KIF25: variants seen among roughly 807,000 people sequenced by gnomAD.
The protein encoded by KIF25 is kinesin-like protein KIF25.
KIF25 carries 19 observed loss-of-function variants against 32.9 expected under a neutral mutation model. That is an observed-to-expected ratio of 0.58 (90% CI 0.40 to 0.85). KIF25 has a LOEUF of 0.85. KIF25 is among the 40% of genes least tolerant of loss of function. KIF25 has a pLI of 0.00. For missense variants in KIF25, 485 were observed against 507.0 expected (o/e 0.96, Z 0.42); for synonymous variants, 225 against 213.7 (o/e 1.05, Z -0.46).
intron 4 of KIF25, among the ~76,000 whole-genome samples, chr6:168,004,330 T>C (rs776316828): frequency 1.1e-4 from 17 of 152,332 alleles, no homozygotes; most frequent in Admixed American, 8.5e-4. Context: ...CAACGCGGGA[T>C]AGAAGCCTGG....
At chr6:168,036,799 C>T (rs1013521859) in intron 8 of KIF25, among the ~76,000 whole-genome samples, 2 of 152,208 alleles carry the variant, frequency 1.3e-5, no homozygotes, top group Non-Finnish European at 2.9e-5. Context: ...TGGTGGCTCA[C>T]ACCTATAATC....
At chr6:168,039,936 C>A in intron 9 of KIF25, 129 bp from the exon 10 acceptor site, 2 of 1,157,112 alleles carry the variant, frequency 1.7e-6, no homozygotes, top group Non-Finnish European at 2.4e-6. Context: ...GTGCCTGAGA[C>A]TGGCTTCAGT....
intron 2 of KIF25, among the ~76,000 whole-genome samples, chr6:168,000,020 C>T (rs1369317566): frequency 9.4e-6 from 1 of 105,944 alleles, no homozygotes; most frequent in African/African-American, 4.1e-5. Flanking sequence ...ACCCTCCCCA[C>T]TTCCATCCTG....
intron 7 of KIF25, among the ~76,000 whole-genome samples, chr6:168,031,927 G>A (rs1303229031): frequency 6.6e-6 from 1 of 152,198 alleles, no homozygotes; most frequent in Non-Finnish European, 1.5e-5. Context: ...CACATGCCCA[G>A]GGTGGTCGGG....
rs35195196 is a variant in KIF25, at chr6:168,044,135, C to A, written c.986-692C>A. Among the ~76,000 whole-genome samples, 77 of 149,910 alleles carry A rather than the reference C, an allele frequency of 5.1e-4. 1 individual carries two copies. The highest frequency in any genetic ancestry group is 1.8e-3 in the African/African-American group (73 of 41,030). On this transcript the variant is annotated intron_variant, in intron 12 of 12. Coordinates refer to ENST00000643607, the MANE Select transcript of KIF25 (RefSeq NM_030615.4). Reference sequence around the variant, plus strand: ...GCCTGCAGCTTCCCCAGGTGAGGGGCGCTAGTGACCGGCTGCTGACCCTCC... The same window carrying A: ...GCCTGCAGCTTCCCCAGGTGAGGGGAGCTAGTGACCGGCTGCTGACCCTCC...
chr6:168,024,251 A>G (rs1798827051), intron 5 of KIF25, among the ~76,000 whole-genome samples: 1 of 152,218 alleles, frequency 6.6e-6, no homozygotes, highest in African/African-American at 2.4e-5. Flanking sequence ...TAATAGCCCC[A>G]TGGCTTAGCT....
chr6:168,043,260 T>C (rs1195815308), intron 12 of KIF25, among the ~76,000 whole-genome samples: 2 of 152,130 alleles, frequency 1.3e-5, no homozygotes, highest in South Asian at 2.1e-4. Context: ...GACTCCAGAC[T>C]GGTTGAAAGG....
chr6:168,016,270 T>C (rs1396697876), intron 4 of KIF25, among the ~76,000 whole-genome samples: 1 of 152,208 alleles, frequency 6.6e-6, no homozygotes, highest in Non-Finnish European at 1.5e-5. Flanking sequence ...GACATTATCA[T>C]GTAAGAACAT....
chr6:168,010,578 A>G (rs1054957452), intron 4 of KIF25, among the ~76,000 whole-genome samples: 1 of 152,138 alleles, frequency 6.6e-6, no homozygotes, highest in African/African-American at 2.4e-5. Context: ...CCATTTGCTG[A>G]TGAAAAAATG....
At chr6:168,044,268 C>T (rs225769) in intron 12 of KIF25, among the ~76,000 whole-genome samples, 10 of 133,274 alleles carry the variant, frequency 7.5e-5, no homozygotes, top group South Asian at 2.5e-4. Context: ...TGCTAGTGAC[C>T]GGCTGCTGAC....
chr6:168,025,984 C>T (rs1034043448), intron 5 of KIF25, among the ~76,000 whole-genome samples: 1 of 152,232 alleles, frequency 6.6e-6, no homozygotes, highest in Non-Finnish European at 1.5e-5. Flanking sequence ...GTCACCTACA[C>T]GTAGCCCTTG....
intron 8 of KIF25, among the ~76,000 whole-genome samples, chr6:168,036,756 G>C (rs896418280): frequency 6.6e-5 from 10 of 152,302 alleles, no homozygotes; most frequent in Admixed American, 6.5e-4. Context: ...GTGGAGAGGA[G>C]GAGAATGTAA....
At chr6:168,040,328 G>A in intron 10 of KIF25, 112 bp downstream of exon 10, 3 of 1,095,958 alleles carry the variant, frequency 2.7e-6, no homozygotes, top group Admixed American at 2.7e-5. Flanking sequence ...CACTTTGGGA[G>A]ACTGAGGCGG....
chr6:168,030,220 C>T (rs9455937), intron 6 of KIF25, among the ~76,000 whole-genome samples: 40,840 of 151,968 alleles, frequency 0.27, 5,837 homozygotes, highest in East Asian at 0.51. Flanking sequence ...ACATCCAGTC[C>T]CATGATATCA....
At chr6:168,008,203 T>G in intron 4 of KIF25, among the ~76,000 whole-genome samples, 2 of 152,334 alleles carry the variant, frequency 1.3e-5, no homozygotes, top group South Asian at 2.1e-4. Flanking sequence ...TTTAATCACT[T>G]TGTGTCTCAC....
intron 5 of KIF25, among the ~76,000 whole-genome samples, chr6:168,020,426 T>C (rs1798773634): frequency 6.6e-6 from 1 of 151,726 alleles, no homozygotes. Flanking sequence ...ACGGATTCTG[T>C]CCTGAAGGAC....
chr6:168,030,242 G>T (rs962163460), intron 6 of KIF25, among the ~76,000 whole-genome samples: 1 of 152,162 alleles, frequency 6.6e-6, no homozygotes, highest in African/African-American at 2.4e-5. Flanking sequence ...TTCAAGTTCT[G>T]CTGAACTGAC....
chr6:168,040,055 T>C lies in KIF25; in HGVS notation c.495-10T>C. The C allele has an allele frequency of 6.2e-7, 1 of 1,607,286 alleles. No individual in the cohort carries two copies. The highest frequency in any genetic ancestry group is 8.5e-7 in the Non-Finnish European group (1 of 1,175,648). ...CTCACTGTGTTCCCCACTGCTTGCC[T>C]TGTCTGTAGGGCTGTCGGCAGCGCC... On this transcript the variant is annotated splice_polypyrimidine_tract_variant and intron_variant, in intron 9 of 12. Transcript: ENST00000643607.
intron 2 of KIF25, among the ~76,000 whole-genome samples, chr6:168,000,427 T>A (rs13216617): frequency 1.0e-4 from 8 of 77,178 alleles, no homozygotes; most frequent in Admixed American, 1.5e-4. Flanking sequence ...TCCCATCCTG[T>A]CTACACCTGA....
Sources: allele counts gnomAD v4.1 joint callset (sites outside exome capture counted in the v4.1 genomes callset), GRCh38; gene constraint gnomAD v4.1.1; transcripts MANE v1.5; gene names NCBI Gene and HGNC (gene_info 2026-07-23, HGNC 2026-07-21).